Variants in USP32 observed in about 807,000 individuals in gnomAD.
USP32 encodes the protein ubiquitin carboxyl-terminal hydrolase 32.
Under a neutral mutation model 204.8 loss-of-function variants are expected in USP32, and 59 were observed. The observed-to-expected ratio is 0.29, with a 90% CI of 0.23 to 0.36. USP32 has a LOEUF of 0.36. USP32 is among the 10% of genes least tolerant of loss of function. USP32 has a pLI of 1.00. For missense variants in USP32, 1,160 were observed against 1,946.4 expected (o/e 0.60, Z 7.60); for synonymous variants, 517 against 678.4 (o/e 0.76, Z 3.70).
At chr17:60,222,338 A>G in intron 15 of USP32, 71 bp downstream of exon 15, 1 of 1,538,594 alleles carries the variant, frequency 6.5e-7, no homozygotes, top group Non-Finnish European at 8.9e-7. Flanking sequence ...AGTGAGAGTC[A>G]CATAGAAAAA....
At chr17:60,183,632 A>G (rs547747060) in intron 30 of USP32, among the ~76,000 whole-genome samples, 179 bp from the exon 31 acceptor site, 1 of 152,380 alleles carries the variant, frequency 6.6e-6, no homozygotes, top group African/African-American at 2.4e-5. Flanking sequence ...CATAGGCCCC[A>G]GTGCACTGGT....
intron 1 of USP32, among the ~76,000 whole-genome samples, chr17:60,356,952 A>C (rs945116831): frequency 2.6e-5 from 4 of 152,242 alleles, no homozygotes; most frequent in Non-Finnish European, 5.9e-5. Flanking sequence ...CAAATGGAGA[A>C]TATCAATAGT....
intron 12 of USP32, among the ~76,000 whole-genome samples, chr17:60,232,168 C>CTTTTTTTTTTTTTTTTT (rs58707657): frequency 9.1e-6 from 1 of 109,538 alleles, no homozygotes; most frequent in African/African-American, 3.7e-5. Flanking sequence ...TTTTCTTTTT[C>CTTTTTTTTTTTTTTTTT]TTTTTTTTTT....
chr17:60,298,346 C>A (rs568481154), intron 3 of USP32, among the ~76,000 whole-genome samples: 1 of 152,236 alleles, frequency 6.6e-6, no homozygotes, highest in East Asian at 1.9e-4. Flanking sequence ...GTCAAAATGG[C>A]CAACTTGCAG....
chr17:60,275,566 C>G (rs765656958), intron 5 of USP32, among the ~76,000 whole-genome samples: 4 of 152,132 alleles, frequency 2.6e-5, no homozygotes, highest in African/African-American at 7.2e-5. Context: ...TAAAAGATAA[C>G]AATTAGTACC....
At chr17:60,406,288 C>T (rs2089975643) in intron 1 of USP32, among the ~76,000 whole-genome samples, 1 of 152,000 alleles carries the variant, frequency 6.6e-6, no homozygotes, top group South Asian at 2.1e-4. Flanking sequence ...AAGCGATTCT[C>T]CTGCCTCAGC....
Position 60,218,144 on chromosome 17 carries a change from A to T in USP32, c.1867+1526T>A, listed in dbSNP as rs187715160. 9.2e-5 allele frequency among the ~76,000 whole-genome samples: 14 copies of T among 152,192 alleles called. No homozygotes were observed. In the East Asian group the frequency reaches 2.7e-3, roughly 29 times the overall value. On this transcript the variant is annotated intron_variant, in intron 16 of 33. Transcript: ENST00000300896. ...ACACTACTGAAAGAATTCTTACCAA[A>T]CAGGCCGAGGTGGATGGATCACGAG...
At chr17:60,421,516 C>T in intron 1 of USP32, 1 of 985,458 alleles carries the variant, frequency 1.0e-6, no homozygotes, top group South Asian at 4.7e-5. Context: ...GGCCCGGGCC[C>T]AGAGGACACG....
At chr17:60,350,294 T>A (rs2088919596) in intron 1 of USP32, among the ~76,000 whole-genome samples, 2 of 152,078 alleles carry the variant, frequency 1.3e-5, no homozygotes, top group African/African-American at 4.8e-5. Context: ...GGATTACAGA[T>A]GTGGTAATTT....
chr17:60,380,551 TAAAA>T (rs1027647129), intron 1 of USP32, among the ~76,000 whole-genome samples: 2 of 152,020 alleles, frequency 1.3e-5, no homozygotes, highest in Non-Finnish European at 2.9e-5. Context: ...CTGGGTGGCA[TAAAA>T]AAGTCATTCC....
At chr17:60,300,340 T>A (rs2087542381) in intron 3 of USP32, among the ~76,000 whole-genome samples, 1 of 151,938 alleles carries the variant, frequency 6.6e-6, no homozygotes. Context: ...ATGAATGAAC[T>A]TTTTAAAAGT....
chr17:60,403,241 C>T (rs564843066), intron 1 of USP32, among the ~76,000 whole-genome samples: 12 of 152,108 alleles, frequency 7.9e-5, no homozygotes, highest in African/African-American at 2.7e-4. Context: ...TGGTCTTGAT[C>T]TCTTGACCTC....
At chr17:60,329,474 T>C (rs2088324504) in intron 2 of USP32, among the ~76,000 whole-genome samples, 1 of 150,250 alleles carries the variant, frequency 6.7e-6, no homozygotes, top group Admixed American at 6.6e-5. Context: ...TAATTTGTTT[T>C]TATTTATTTT....
At chr17:60,333,136 C>T (rs2088429887) in intron 2 of USP32, among the ~76,000 whole-genome samples, 1 of 152,188 alleles carries the variant, frequency 6.6e-6, no homozygotes, top group African/African-American at 2.4e-5. Flanking sequence ...TGGGGCACAA[C>T]TCCCCGCAAG....
intron 2 of USP32, among the ~76,000 whole-genome samples, chr17:60,336,793 A>T (rs2088533250): frequency 6.6e-6 from 1 of 152,158 alleles, no homozygotes; most frequent in African/African-American, 2.4e-5. Flanking sequence ...TACACTATGA[A>T]CAAAAAGAGA....
At chr17:60,309,492 C>T (rs535667012) in intron 2 of USP32, among the ~76,000 whole-genome samples, 100 of 151,914 alleles carry the variant, frequency 6.6e-4, no homozygotes, top group African/African-American at 2.4e-3. Flanking sequence ...ATCACAGTTA[C>T]TCGGGAGGCT....
Position 60,223,452 on chromosome 17 carries a change from C to A in USP32, c.1567G>T (p.Ala523Ser). 6.2e-7 allele frequency: 1 copy of A among 1,612,552 alleles called. No individual in the cohort carries two copies. Among genetic ancestry groups the A allele is most frequent in the Non-Finnish European group, 8.5e-7 (1 of 1,179,670 alleles). ...LLHLNPQKPG[A>S]IDNQPLVTQE... is the part of the protein sequence containing the mutation. ...GTTACTAATGGCTGATTATCAATAG[C>A]CCCTGGTTTCTGAGGGTTAAGGTGC... The change falls in exon 14 of 34, where the codon GCT becomes TCT. Residue 523 changes from alanine to serine, a missense_variant. By Grantham distance (99) the Ala-to-Ser change is moderately conservative (BLOSUM62 1). Transcript: ENST00000300896.
chr17:60,333,542 G>C (rs11657384), intron 2 of USP32, among the ~76,000 whole-genome samples: 1 of 152,060 alleles, frequency 6.6e-6, no homozygotes, highest in East Asian at 1.9e-4. Context: ...GGAGGTTACA[G>C]TGAGCCAAGA....
intron 2 of USP32, among the ~76,000 whole-genome samples, chr17:60,312,881 G>A (rs1009001509): frequency 6.6e-6 from 1 of 152,160 alleles, no homozygotes; most frequent in African/African-American, 2.4e-5. Context: ...CATGGTATAT[G>A]AATACATTAA....
Sources: gnomAD v4.1 joint callset for allele counts (sites outside exome capture counted in the v4.1 genomes callset) on GRCh38, gnomAD v4.1.1 for gene constraint, MANE v1.5 for transcripts, NCBI Gene and HGNC (gene_info 2026-07-23, HGNC 2026-07-21) for gene names.